The following PAPOLG variants were observed in gnomAD, a reference collection of about 807,000 sequenced individuals.
PAPOLG encodes poly(A) polymerase gamma.
PAPOLG carries 40 observed loss-of-function variants against 99.0 expected under a neutral mutation model. That is an observed-to-expected ratio of 0.40 (90% CI 0.31 to 0.53). PAPOLG has a LOEUF of 0.53. PAPOLG is among the 20% of genes least tolerant of loss of function. PAPOLG has a pLI of 0.41. For missense variants in PAPOLG, 675 were observed against 884.1 expected, an observed-to-expected ratio of 0.76 and a Z score of 3.00; for synonymous variants, 310 against 299.3, an observed-to-expected ratio of 1.04 and a Z score of -0.37.
chr2:60,792,233 A>T lies in PAPOLG; in HGVS notation c.1623A>T (p.Thr541=). 1 of 1,609,846 alleles carries T rather than the reference A, an allele frequency of 6.2e-7. No individual in the cohort carries two copies. Among genetic ancestry groups the T allele is most frequent in the Non-Finnish European group, 8.5e-7 (1 of 1,179,210 alleles). ...LDSSRDTDNG[T]PFNSPASKSD... ...GCTCCAGAGACACTGATAATGGAACACCTTTTAATTCTCCAGCGTCCAAGT... is the reference window on the plus strand; with the variant it reads ...GCTCCAGAGACACTGATAATGGAACTCCTTTTAATTCTCCAGCGTCCAAGT... The change falls in exon 17 of 22, where the codon ACA becomes ACT. Residue 541 remains threonine (T), a synonymous_variant. Coordinates refer to ENST00000238714, the MANE Select transcript of PAPOLG (RefSeq NM_022894.4).
rs766368310 is a variant in PAPOLG, at chr2:60,794,123, G to A, written c.1921G>A (p.Val641Ile). ...TGGAATGTCAAATATAACTAAGACTGTTACACCTAAGAGATCCCATTCCCC... is the reference window on the plus strand; with the variant it reads ...TGGAATGTCAAATATAACTAAGACTATTACACCTAAGAGATCCCATTCCCC... The part of the protein sequence containing the change: ...LNGMSNITKT[V>I]TPKRSHSPSI... The change falls in exon 19 of 22, where the codon GTT becomes ATT. Residue 641 changes from valine to isoleucine, a missense_variant. Physicochemically the swap from Val to Ile is conservative, Grantham distance 29. Around this residue, in one of 3 missense-constraint regions of PAPOLG, gnomAD observed 413 missense variants for 460.5 expected, o/e 0.90. Coordinates refer to ENST00000238714, the MANE Select transcript of PAPOLG (RefSeq NM_022894.4). 9 of 1,613,898 alleles carry A rather than the reference G, an allele frequency of 5.6e-6. No individual in the cohort carries two copies. Among genetic ancestry groups the A allele is most frequent in the Non-Finnish European group, 7.6e-6 (9 of 1,179,856 alleles).
intron 1 of PAPOLG, among the ~76,000 whole-genome samples, chr2:60,757,380 A>G (rs1255057899): frequency 6.6e-6 from 1 of 151,862 alleles, no homozygotes; most frequent in Non-Finnish European, 1.5e-5. Flanking sequence ...CTTGAATTTG[A>G]TGTTTATCGT....
intron 8 of PAPOLG, 42 bp downstream of exon 8, chr2:60,775,165 A>G: frequency 3.2e-6 from 5 of 1,572,534 alleles, no homozygotes; most frequent in Non-Finnish European, 4.3e-6. Flanking sequence ...ATAAAATTCT[A>G]ATTTTCTCTT....
At chr2:60,792,658 G>T (rs762138922) in intron 17 of PAPOLG, among the ~76,000 whole-genome samples, 1 of 152,190 alleles carries the variant, frequency 6.6e-6, no homozygotes, top group African/African-American at 2.4e-5. Context: ...ACTTTGAGAG[G>T]TCACGGCAGG....
rs555809634 is a variant in PAPOLG at position 60,768,956 on chromosome 2, G to A, written c.438+66G>A. The stretch of plus-strand genomic sequence containing the variant: ...GTAACAAATATCTATAAAAACTAGG[G>A]CTTAAAACTATTGAAATACCTTCTA... On this transcript the variant is annotated intron_variant, in intron 5 of 21. Transcript: ENST00000238714. The A allele has an allele frequency of 2.5e-6, 3 of 1,207,550 alleles. No individual in the cohort carries two copies. In the African/African-American group the frequency reaches 4.7e-5, roughly 19 times the overall value. The allele number at this position is 1,207,550 out of a possible 1,614,324, so 74.8% of individuals were successfully genotyped here. A position where few individuals can be genotyped will look rare whatever the true frequency, so the allele number is the denominator to read the frequency against.
rs558851394 is a variant in PAPOLG at position 60,798,632 on chromosome 2, A to G, written c.*1472A>G. 6.6e-6 allele frequency: 1 copy of G among 152,504 alleles called. No individual in the cohort carries two copies. Among genetic ancestry groups the G allele is most frequent in the Non-Finnish European group, 1.5e-5 (1 of 68,034 alleles). 9.4% of individuals were successfully genotyped at this position (152,504 alleles called of 1,614,324 possible). A position where few individuals can be genotyped will look rare whatever the true frequency, so the allele number is the denominator to read the frequency against. On this transcript the variant is annotated 3_prime_UTR_variant, in exon 22 of 22. Coordinates refer to ENST00000238714, the MANE Select transcript of PAPOLG (RefSeq NM_022894.4). Reference sequence around the variant, plus strand: ...TCCAGTAGGAAAAACCCAAAATGGTACATTGAGTAGTGTGGGGAAGACACC... The same window carrying G: ...TCCAGTAGGAAAAACCCAAAATGGTGCATTGAGTAGTGTGGGGAAGACACC...
intron 3 of PAPOLG, among the ~76,000 whole-genome samples, chr2:60,767,464 TAGCTA>T (rs1670715604): frequency 6.6e-6 from 1 of 151,892 alleles, no homozygotes; most frequent in Non-Finnish European, 1.5e-5. Context: ...GCCACATGCC[TAGCTA>T]ATGTTTTCTT....
chr2:60,761,435 TGACA>T (rs1365412244), intron 2 of PAPOLG, among the ~76,000 whole-genome samples: 2 of 152,322 alleles, frequency 1.3e-5, no homozygotes, highest in Non-Finnish European at 2.9e-5. Context: ...CCAAGAAAGT[TGACA>T]GTTCACTAAG....
chr2:60,789,834 A>G (rs1328507763), intron 15 of PAPOLG, among the ~76,000 whole-genome samples: 3 of 152,226 alleles, frequency 2.0e-5, no homozygotes, highest in African/African-American at 7.2e-5. Context: ...TCACGCCTGT[A>G]ATCCCAGCAC....
intron 13 of PAPOLG, among the ~76,000 whole-genome samples, chr2:60,783,765 A>T (rs1671274069): frequency 6.6e-6 from 1 of 151,598 alleles, no homozygotes; most frequent in African/African-American, 2.4e-5. Context: ...CCGTAAAATT[A>T]TTATATCTTA....
rs768786514 is a variant in PAPOLG at position 60,779,662 on chromosome 2, A to G, written c.720A>G (p.Leu240=). 9.3e-6 allele frequency: 15 copies of G among 1,612,792 alleles called. No individual in the cohort carries two copies. In the South Asian group the frequency reaches 1.5e-4, roughly 17 times the overall value. ...GACGTGGTATTTATTCCAACATGCTAGGATTCCTTGGTGGTGTCTCCTGGG... is the reference window on the plus strand; with the variant it reads ...GACGTGGTATTTATTCCAACATGCTGGGATTCCTTGGTGGTGTCTCCTGGG... The part of the protein sequence containing the change: ...AKRRGIYSNM[L]GFLGGVSWAM... The change falls in exon 9 of 22, where the codon CTA becomes CTG. Residue 240 remains leucine, a synonymous_variant. Coordinates refer to ENST00000238714, the MANE Select transcript of PAPOLG (RefSeq NM_022894.4).
Position 60,792,232 on chromosome 2 carries a change from C to A in PAPOLG, c.1622C>A (p.Thr541Lys). ...AGCTCCAGAGACACTGATAATGGAACACCTTTTAATTCTCCAGCGTCCAAG... is the reference window on the plus strand; with the variant it reads ...AGCTCCAGAGACACTGATAATGGAAAACCTTTTAATTCTCCAGCGTCCAAG... ...LDSSRDTDNGTPFNSPASKSD... is the reference protein window; with the variant it reads ...LDSSRDTDNGKPFNSPASKSD... The change falls in exon 17 of 22, where the codon ACA becomes AAA. Residue 541 changes from threonine (T) to lysine (K), a missense_variant. Thr to Lys is a moderately conservative substitution (Grantham distance 78). This residue lies in a region of PAPOLG where 413 missense variants were observed against 460.5 expected (regional missense o/e 0.90). Transcript: ENST00000238714. The A allele has an allele frequency of 6.2e-7, 1 of 1,610,008 alleles. No homozygotes were observed. The highest frequency in any genetic ancestry group is 8.5e-7 in the Non-Finnish European group (1 of 1,179,222).
intron 21 of PAPOLG, 66 bp from the exon 22 acceptor site, chr2:60,796,994 TTC>T (rs1158569382): frequency 2.5e-5 from 39 of 1,584,944 alleles, no homozygotes; most frequent in Non-Finnish European, 3.3e-5. Flanking sequence ...GTGACTGACT[TTC>T]TAGCTGGGCC....
At chr2:60,775,762 CTT>C (rs56074091) in intron 8 of PAPOLG, among the ~76,000 whole-genome samples, 9 of 145,954 alleles carry the variant, frequency 6.2e-5, no homozygotes, top group Non-Finnish European at 6.0e-5. Context: ...ATACTGTAGT[CTT>C]TTTTTTTTTT....
At chr2:60,775,840 A>G (rs974480041) in intron 8 of PAPOLG, among the ~76,000 whole-genome samples, 2 of 151,148 alleles carry the variant, frequency 1.3e-5, no homozygotes, top group Non-Finnish European at 1.5e-5. Context: ...CTTGGCTCAC[A>G]CCAACCTCTG....
rs571269172 is a variant in PAPOLG at position 60,763,382 on chromosome 2, TA to T, written c.246+1579del. 3.3e-5 allele frequency among the ~76,000 whole-genome samples: 5 copies of T among 152,260 alleles called. No homozygotes were observed. The South Asian group carries it at 1.0e-3, about 32-fold the overall frequency. On this transcript the variant is annotated intron_variant, in intron 3 of 21. Transcript: ENST00000238714. Reference sequence around the variant, plus strand: ...CAGGCATGAGCCACTGCGCCTTGCCTAAAATTTGCTTGATTTTTTATGGCTT... The same window carrying T: ...CAGGCATGAGCCACTGCGCCTTGCCTAAATTTGCTTGATTTTTTATGGCTT...
chr2:60,779,857 T>A, intron 9 of PAPOLG, 82 bp downstream of exon 9: 1 of 1,209,742 alleles, frequency 8.3e-7, no homozygotes, highest in South Asian at 1.8e-5. Context: ...GAGCTATACA[T>A]AGACTTTTTC....
chr2:60,786,175 G>A (rs1240358521), intron 13 of PAPOLG, among the ~76,000 whole-genome samples: 2 of 151,842 alleles, frequency 1.3e-5, no homozygotes, highest in Admixed American at 1.3e-4. Flanking sequence ...AATCAATTGT[G>A]TTTACAATTG....
At chr2:60,759,786 C>T (rs1374679484) in intron 1 of PAPOLG, among the ~76,000 whole-genome samples, 1 of 152,170 alleles carries the variant, frequency 6.6e-6, no homozygotes, top group Non-Finnish European at 1.5e-5. Context: ...CTGGATGGCA[C>T]TTGACTTAAG....
Sources: allele counts gnomAD v4.1 joint callset (sites outside exome capture counted in the v4.1 genomes callset), GRCh38; gene constraint gnomAD v4.1.1; regional missense constraint gnomAD v4.1.1; transcripts MANE v1.5; gene names NCBI Gene and HGNC (gene_info 2026-07-23, HGNC 2026-07-21).